NUP54: variants seen among roughly 807,000 people sequenced by gnomAD.
NUP54 encodes the protein nucleoporin 54, also known as nucleoporin p54.
Under a neutral mutation model 66.4 loss-of-function variants are expected in NUP54, and 27 were observed. That is an observed-to-expected ratio of 0.41 (90% CI 0.30 to 0.56). The LOEUF (loss-of-function observed/expected upper bound fraction) is 0.56. Ranked by LOEUF, NUP54 falls within the 20% of genes least tolerant of loss-of-function variation. The pLI, the probability that NUP54 is intolerant of heterozygous loss-of-function variation, is 0.34. For missense variants in NUP54, 486 were observed against 596.3 expected (o/e 0.82, Z 1.93); for synonymous variants, 206 against 210.7 (o/e 0.98, Z 0.19).
In NUP54 at chr4:76,132,693, T is replaced by G. The variant is rs1730860190; in HGVS notation, c.737A>C (p.Glu246Ala). The G allele has an allele frequency of 1.2e-6, 2 of 1,613,020 alleles. No homozygotes were observed. Among genetic ancestry groups the G allele is most frequent in the South Asian group, 1.1e-5 (1 of 90,762 alleles). ...DQTEVVIYVV[E>A]RSPNGTSRRV... is the part of the protein sequence containing the mutation. ...TCTTGAAGTACCATTTGGCGAACGC[T>G]CAACAACATAAATAACAACTTCTGT... The change falls in exon 6 of 12, where the codon GAG becomes GCG. Residue 246 changes from glutamate (E) to alanine (A), a missense_variant. Physicochemically the swap from Glu to Ala is moderately radical, Grantham distance 107. Coordinates refer to ENST00000264883, the MANE Select transcript of NUP54 (RefSeq NM_017426.4).
chr4:76,139,834 C>T (rs1731188805), intron 3 of NUP54, among the ~76,000 whole-genome samples: 1 of 152,174 alleles, frequency 6.6e-6, no homozygotes, highest in Non-Finnish European at 1.5e-5. Context: ...CTTTTGATGA[C>T]TCCAGCTGGT....
chr4:76,128,990 T>C (rs954299827), intron 8 of NUP54, among the ~76,000 whole-genome samples: 6 of 152,158 alleles, frequency 3.9e-5, no homozygotes, highest in African/African-American at 1.4e-4. Context: ...TACAGCTGGA[T>C]AGGAGGATTA....
Position 76,144,153 on chromosome 4 carries a change from T to C in NUP54, c.291A>G (p.Gln97=). The change falls in exon 3 of 12, where the codon CAA becomes CAG. Residue 97 remains glutamine (Q), a synonymous_variant. Transcript: ENST00000264883. ...AGCTGAAAACCTCATACTTACTAGT[T>C]TGCTGCTGCTGCTGTGTATTAAATC... ...FGGFNTQQQQ[Q]TTLGGLFSQP... is the part of the protein sequence containing the mutation. 1.9e-6 allele frequency: 3 copies of C among 1,608,930 alleles called. No homozygotes were observed. The highest frequency in any genetic ancestry group is 1.1e-5 in the South Asian group (1 of 90,856).
intron 8 of NUP54, among the ~76,000 whole-genome samples, chr4:76,125,635 AGAGGGGGAGAGGGG>A (rs1730457941): frequency 1.3e-4 from 3 of 23,182 alleles, no homozygotes; most frequent in African/African-American, 2.4e-4. Flanking sequence ...GGAGAGGGGG[AGAGGGGGAGAGGGG>A]GAGAGGGAGA....
intron 9 of NUP54, 56 bp downstream of exon 9, chr4:76,124,593 C>A: frequency 1.5e-6 from 1 of 647,024 alleles, no homozygotes; most frequent in Non-Finnish European, 2.7e-6. Context: ...ATATTTAGTA[C>A]ATTATTTCAC....
intron 9 of NUP54, among the ~76,000 whole-genome samples, chr4:76,120,213 CTATT>C (rs1282066823): frequency 6.6e-6 from 1 of 152,046 alleles, no homozygotes; most frequent in Non-Finnish European, 1.5e-5. Flanking sequence ...GTGCATATAT[CTATT>C]TAACTGGTAT....
chr4:76,134,219 G>A lies in NUP54; in HGVS notation c.666C>T (p.Thr222=). 3 of 1,613,426 alleles carry A rather than the reference G, an allele frequency of 1.9e-6. No individual in the cohort carries two copies. The highest frequency in any genetic ancestry group is 1.1e-5 in the South Asian group (1 of 91,050). ...TAGTGCCCTCTACATTTACAGTAAG[G>A]GTCTGGTTTCCTCCCAAAACTTTAT... The part of the protein sequence containing the change: ...SLHKVLGGNQ[T]LTVNVEGTKT... The change falls in exon 5 of 12, where the codon ACC becomes ACT. Residue 222 remains threonine, a synonymous_variant. Transcript: ENST00000264883.
At chr4:76,132,218 G>T in intron 6 of NUP54, 2 of 183,562 alleles carry the variant, frequency 1.1e-5, no homozygotes, top group East Asian at 1.4e-4. Context: ...CAGTTAAAAT[G>T]AGATAAGCTA....
chr4:76,123,508 CT>C (rs529829145), intron 9 of NUP54, among the ~76,000 whole-genome samples: 5 of 149,424 alleles, frequency 3.3e-5, no homozygotes, highest in Admixed American at 6.7e-5. Flanking sequence ...GCAGCATCTT[CT>C]TTTTTTTTTC....
At chr4:76,117,921 C>T in intron 10 of NUP54, 147 bp from the exon 11 acceptor site, 2 of 992,372 alleles carry the variant, frequency 2.0e-6, no homozygotes, top group Non-Finnish European at 3.1e-6. Context: ...TAATACTAGC[C>T]AAAAGAACCA....
At chr4:76,142,488 A>C (rs1382767578) in intron 3 of NUP54, among the ~76,000 whole-genome samples, 1 of 152,224 alleles carries the variant, frequency 6.6e-6, no homozygotes, top group Non-Finnish European at 1.5e-5. Flanking sequence ...TGAAAAGAGC[A>C]CTAGAATGAG....
chr4:76,129,944 CTTTAAGTAT>C (rs1467606873), intron 8 of NUP54, among the ~76,000 whole-genome samples: 4 of 92,250 alleles, frequency 4.3e-5, no homozygotes, highest in Non-Finnish European at 9.3e-5. Context: ...CTTTAAGAAT[CTTTAAGTAT>C]TTAATTATGA....
intron 9 of NUP54, 68 bp downstream of exon 9, chr4:76,124,581 C>T: frequency 5.6e-6 from 3 of 535,656 alleles, no homozygotes; most frequent in South Asian, 3.4e-5. Context: ...TTTTAAAAAT[C>T]TATATTTAGT....
chr4:76,131,379 G>C, intron 6 of NUP54, 95 bp from the exon 7 acceptor site: 1 of 623,046 alleles, frequency 1.6e-6, no homozygotes, highest in Non-Finnish European at 2.7e-6. Flanking sequence ...CCTATACCTA[G>C]AAGCTATAAT....
chr4:76,118,286 C>T, intron 9 of NUP54, 92 bp from the exon 10 acceptor site: 1 of 1,217,848 alleles, frequency 8.2e-7, no homozygotes, highest in Non-Finnish European at 1.2e-6. Context: ...AAGAAATCAG[C>T]TGAAAATCAA....
At chr4:76,134,050 T>C (rs960402659) in intron 5 of NUP54, 125 bp downstream of exon 5, 18 of 650,154 alleles carry the variant, frequency 2.8e-5, no homozygotes, top group Non-Finnish European at 7.4e-6. Flanking sequence ...GAATAATCAC[T>C]AGCTGAGAAA....
rs1730935631 is a variant in NUP54 at position 76,134,266 on chromosome 4, G to C, written c.619C>G (p.Gln207Glu). 1 of 1,613,546 alleles carries C rather than the reference G, an allele frequency of 6.2e-7. No individual in the cohort carries two copies. The highest frequency in any genetic ancestry group is 8.5e-7 in the Non-Finnish European group (1 of 1,179,572). ...TTATGCAATGATTCTACCAACTGTT[G>C]TTGTTGGCTTCGAATCTCTGTTTCT... The part of the protein sequence containing the change: ...KKETEIRSQQ[Q>E]QLVESLHKVL... The change falls in exon 5 of 12, where the codon CAA (glutamine) becomes GAA (glutamate). Residue 207 changes from glutamine to glutamate, a missense_variant. Coordinates refer to ENST00000264883, the MANE Select transcript of NUP54 (RefSeq NM_017426.4).
Position 76,136,240 on chromosome 4 carries a change from G to A in NUP54, c.468C>T (p.Asn156=). 1 of 1,614,040 alleles carries A rather than the reference G, an allele frequency of 6.2e-7. No individual in the cohort carries two copies. Among genetic ancestry groups the A allele is most frequent in the Non-Finnish European group, 8.5e-7 (1 of 1,179,960 alleles). Reference sequence around the variant, plus strand: ...TGAATTCCACTGGCGGAATATTATTGTTGAAATACCCTTTTCCTGTTCCCC... The same window carrying A: ...TGAATTCCACTGGCGGAATATTATTATTGAAATACCCTTTTCCTGTTCCCC... The part of the protein sequence containing the change: ...AFWGTGKGYF[N]NNIPPVEFTQ... Residue 156 remains asparagine, a synonymous_variant, in exon 4 of 12, where the codon AAC becomes AAT. Coordinates refer to ENST00000264883, the MANE Select transcript of NUP54 (RefSeq NM_017426.4).
At position 76,115,110 on chromosome 4, in the gene NUP54, C is replaced by T. The variant is rs1169944871; in HGVS notation, c.*256G>A. 4 of 313,502 alleles carry T rather than the reference C, an allele frequency of 1.3e-5. No individual in the cohort carries two copies. Among genetic ancestry groups the T allele is most frequent in the Non-Finnish European group, 1.7e-5 (3 of 173,636 alleles). 19.4% of individuals were successfully genotyped at this position (313,502 alleles called of 1,614,324 possible). ...TTGTAAAAATGTACAATAGTACATA[C>T]AATTTTGGTAATTATGCACTTCTTT... is the stretch of plus-strand genomic sequence containing the variant. On this transcript the variant is annotated 3_prime_UTR_variant, in exon 12 of 12. Transcript: ENST00000264883.
Sources: gnomAD v4.1 joint callset for allele counts (sites outside exome capture counted in the v4.1 genomes callset) on GRCh38, gnomAD v4.1.1 for gene constraint, MANE v1.5 for transcripts, NCBI Gene and HGNC (gene_info 2026-07-23, HGNC 2026-07-21) for gene names.